Variants in APLF observed in about 807,000 individuals in gnomAD.
APLF encodes the protein aprataxin and PNK-like factor.
A neutral mutation model predicts 55.6 loss-of-function variants in APLF; 61 were observed. The ratio of observed to expected loss-of-function variants is 1.10; its 90% CI spans 0.89 to 1.36. The LOEUF is 1.36. Among genes scored for constraint, APLF ranks in the 40% most tolerant of loss-of-function variants. The pLI is 0.00. For synonymous variants in APLF, 207 were observed against 214.8 expected, an observed-to-expected ratio of 0.96 and a Z score of 0.32; for missense variants, 611 against 602.5, an observed-to-expected ratio of 1.01 and a Z score of -0.15.
chr2:68,556,082 G>A (rs1203682358), intron 8 of APLF, among the ~76,000 whole-genome samples: 1 of 152,196 alleles, frequency 6.6e-6, no homozygotes, highest in Non-Finnish European at 1.5e-5. Context: ...ATTATTCTAA[G>A]TGAAGTATCT....
At chr2:68,517,962 T>C (rs994284188) in intron 5 of APLF, among the ~76,000 whole-genome samples, 5 of 141,010 alleles carry the variant, frequency 3.5e-5, no homozygotes, top group African/African-American at 1.3e-4. Flanking sequence ...CTAATATGTG[T>C]TAATATATAA....
chr2:68,478,718 C>T (rs1382109652), intron 1 of APLF, among the ~76,000 whole-genome samples: 1 of 151,422 alleles, frequency 6.6e-6, no homozygotes, highest in Non-Finnish European at 1.5e-5. Flanking sequence ...GTGCCCTACT[C>T]TGGAAAAAAA....
chr2:68,565,922 A>T (rs1671295859), intron 8 of APLF, among the ~76,000 whole-genome samples: 1 of 152,076 alleles, frequency 6.6e-6, no homozygotes, highest in African/African-American at 2.4e-5. Flanking sequence ...TTCGTTACCC[A>T]AGTTGGAAAG....
At chr2:68,576,451 T>C (rs988094437) in intron 9 of APLF, among the ~76,000 whole-genome samples, 1 of 152,172 alleles carries the variant, frequency 6.6e-6, no homozygotes, top group Non-Finnish European at 1.5e-5. Flanking sequence ...TAATGATAAT[T>C]GGGCAAGTTA....
intron 6 of APLF, 40 bp downstream of exon 6, chr2:68,526,282 A>G: frequency 6.4e-7 from 1 of 1,569,806 alleles, no homozygotes; most frequent in Non-Finnish European, 8.7e-7. Context: ...TTTTTTTGTT[A>G]GGTGTTTTAG....
Position 68,579,072 on chromosome 2 carries a change from A to G in APLF, c.*1050A>G. The G allele has an allele frequency of 2.0e-6, 2 of 983,362 alleles. No homozygotes were observed. The highest frequency in any genetic ancestry group is 2.4e-6 in the Non-Finnish European group (2 of 828,068). The allele number at this position is 983,362 out of a possible 1,614,324, so 60.9% of individuals were successfully genotyped here. ...AGAGCAGGAGATATTTATTGAAATC[A>G]TAAATCACTAAGCCAAAAGAATCTT... On this transcript the variant is annotated 3_prime_UTR_variant, in exon 10 of 10. Coordinates refer to ENST00000303795, the MANE Select transcript of APLF (RefSeq NM_173545.3).
chr2:68,504,495 G>C (rs1676817953), intron 3 of APLF, among the ~76,000 whole-genome samples: 1 of 151,850 alleles, frequency 6.6e-6, no homozygotes, highest in Non-Finnish European at 1.5e-5. Flanking sequence ...AAAAATCGAA[G>C]CAATTCACCA....
intron 5 of APLF, among the ~76,000 whole-genome samples, chr2:68,518,858 T>C (rs1409294199): frequency 1.6e-5 from 2 of 126,030 alleles, no homozygotes; most frequent in Non-Finnish European, 3.1e-5. Flanking sequence ...ATACTAATAT[T>C]ATGTCATTAA....
intron 5 of APLF, among the ~76,000 whole-genome samples, chr2:68,524,568 G>T (rs56790634): frequency 1.8e-3 from 272 of 152,340 alleles, no homozygotes; most frequent in African/African-American, 6.3e-3. Flanking sequence ...ATGGCCCACA[G>T]AGTTTAATCT....
intron 8 of APLF, chr2:68,563,219 AG>A: frequency 1.0e-6 from 1 of 985,302 alleles, no homozygotes; most frequent in Non-Finnish European, 1.2e-6. Flanking sequence ...AGATTCTCAA[AG>A]AAACAACTTT....
In APLF at chr2:68,567,228, C is replaced by G. The variant is rs540989295; in HGVS notation, c.1287-113C>G. On this transcript the variant is annotated intron_variant, in intron 8 of 9. Coordinates refer to ENST00000303795, the MANE Select transcript of APLF (RefSeq NM_173545.3). ...ACAACAAATGCTTTTTCATAAGAGG[C>G]CTATTGGGTCCTAAGTTTATTTGTA... 3.8e-6 allele frequency: 3 copies of G among 792,276 alleles called. No homozygotes were observed. The African/African-American group carries it at 5.5e-5, about 14-fold the overall frequency. The allele number at this position is 792,276 out of a possible 1,614,324, so 49.1% of individuals were successfully genotyped here.
Position 68,518,407 on chromosome 2 carries a change from T to G in APLF, c.622+4727T>G, listed in dbSNP as rs1172719776. Among the ~76,000 whole-genome samples the G allele has an allele frequency of 3.6e-5, 4 of 111,432 alleles. No homozygotes were observed. In the East Asian group the frequency reaches 7.6e-4, roughly 21 times the overall value. The allele number at this position is 111,432 out of a possible 152,430, so 73.1% of individuals were successfully genotyped here. A position where few individuals can be genotyped will look rare whatever the true frequency, so the allele number is the denominator to read the frequency against. Reference sequence around the variant, plus strand: ...TATATTATTAATATATAACAATATATTATATATTATATAATAATTTATTAT... The same window carrying G: ...TATATTATTAATATATAACAATATAGTATATATTATATAATAATTTATTAT... On this transcript the variant is annotated intron_variant, in intron 5 of 9. Coordinates refer to ENST00000303795, the MANE Select transcript of APLF (RefSeq NM_173545.3).
rs116346144 is a variant in APLF, at chr2:68,573,091, T to C, written c.1334-4729T>C. Among the ~76,000 whole-genome samples, 454 of 152,314 alleles carry C rather than the reference T, an allele frequency of 3.0e-3. 1 individual carries two copies. Among genetic ancestry groups the C allele is most frequent in the African/African-American group, 0.011 (438 of 41,568 alleles). On this transcript the variant is annotated intron_variant, in intron 9 of 9. Transcript: ENST00000303795. ...CAGAAATTACCACATTCTAATCCCA[T>C]ATAGTAAATAATATGTTGTTTTAAA...
chr2:68,564,203 C>A (rs190019795), intron 8 of APLF, among the ~76,000 whole-genome samples: 1 of 152,224 alleles, frequency 6.6e-6, no homozygotes, highest in Admixed American at 6.6e-5. Flanking sequence ...CACAAATCGT[C>A]ACCATAGCTT....
In APLF at chr2:68,474,372, T is replaced by G. The variant is rs979927026; in HGVS notation, c.96+6545T>G. ...GCTGAAAGTCCCAATTCTCTATACC[T>G]TGGTCTTTCCAGTGACTAGCTCCCA... On this transcript the variant is annotated intron_variant, in intron 1 of 9. Transcript: ENST00000303795. 4.6e-5 allele frequency among the ~76,000 whole-genome samples: 7 copies of G among 152,282 alleles called. No individual in the cohort carries two copies. The East Asian group carries it at 9.6e-4, about 21-fold the overall frequency.
intron 5 of APLF, among the ~76,000 whole-genome samples, chr2:68,519,828 C>T (rs1669842440): frequency 6.6e-6 from 1 of 151,406 alleles, no homozygotes; most frequent in Admixed American, 6.6e-5. Context: ...TCTGGGTAGT[C>T]AGCCAGTAGT....
Position 68,471,138 on chromosome 2 carries a change from C to T in APLF, c.96+3311C>T, listed in dbSNP as rs1034135153. Among the ~76,000 whole-genome samples the T allele has an allele frequency of 2.6e-5, 4 of 152,160 alleles. No homozygotes were observed. The East Asian group carries it at 7.7e-4, about 29-fold the overall frequency. The stretch of plus-strand genomic sequence containing the variant: ...GCCTTTAACACGTGATTTCTTCCTT[C>T]CATTTCGGCATCTCAGCCTCTCATT... On this transcript the variant is annotated intron_variant, in intron 1 of 9. Transcript: ENST00000303795.
intron 1 of APLF, among the ~76,000 whole-genome samples, chr2:68,486,140 A>G (rs1021658267): frequency 2.0e-5 from 3 of 152,026 alleles, no homozygotes; most frequent in Non-Finnish European, 4.4e-5. Flanking sequence ...ACATGCACCC[A>G]TCAATTTTTG....
At chr2:68,501,394 A>G (rs1017386593) in intron 2 of APLF, among the ~76,000 whole-genome samples, 16 of 152,004 alleles carry the variant, frequency 1.1e-4, no homozygotes, top group African/African-American at 3.9e-4. Flanking sequence ...AGGAAGGGTA[A>G]TAGAGATCGG....
Sources: gnomAD v4.1 joint callset for allele counts (sites outside exome capture counted in the v4.1 genomes callset) on GRCh38, gnomAD v4.1.1 for gene constraint, MANE v1.5 for transcripts, NCBI Gene and HGNC (gene_info 2026-07-23, HGNC 2026-07-21) for gene names.